The following TULP4 variants were observed in gnomAD, a reference collection of about 807,000 sequenced individuals.
TULP4 encodes the protein tubby-related protein 4.
TULP4 carries 16 observed loss-of-function variants against 129.0 expected under a neutral mutation model. The ratio of observed to expected loss-of-function variants is 0.12; its 90% CI spans 0.08 to 0.19. TULP4 has a LOEUF of 0.19. Among genes scored for constraint, TULP4 ranks in the 10% least tolerant of loss-of-function variants. The pLI, the probability that TULP4 is intolerant of heterozygous loss-of-function variation, is 1.00. For synonymous variants in TULP4, 998 were observed against 854.0 expected, an observed-to-expected ratio of 1.17 and a Z score of -2.94; for missense variants, 1,842 against 2,059.1, an observed-to-expected ratio of 0.89 and a Z score of 2.04.
intron 3 of TULP4, among the ~76,000 whole-genome samples, chr6:158,430,895 A>G (rs1020015643): frequency 1.3e-5 from 2 of 152,206 alleles, no homozygotes; most frequent in African/African-American, 4.8e-5. Context: ...ACCAAGCAGT[A>G]TAATATGGAA....
At chr6:158,479,474 G>A (rs183784603) in intron 6 of TULP4, among the ~76,000 whole-genome samples, 1 of 152,114 alleles carries the variant, frequency 6.6e-6, no homozygotes, top group East Asian at 1.9e-4. Flanking sequence ...GTATTGCCCA[G>A]GCTGGTCTTT....
At chr6:158,446,736 G>A (rs182267318) in intron 3 of TULP4, among the ~76,000 whole-genome samples, 12 of 152,248 alleles carry the variant, frequency 7.9e-5, no homozygotes, top group Non-Finnish European at 1.2e-4. Flanking sequence ...TCAGATCAAA[G>A]TGCCAGCCAA....
At chr6:158,277,519 C>T (rs894798542), upstream of TULP4, among the ~76,000 whole-genome samples, 2 of 152,062 alleles carry the variant, frequency 1.3e-5, no homozygotes, top group Non-Finnish European at 2.9e-5. Flanking sequence ...CAACATAGTC[C>T]GTGGGTTAAT....
At position 158,489,681 on chromosome 6, in the gene TULP4, C is replaced by T. The variant is rs566110555; in HGVS notation, c.1580C>T (p.Ala527Val). ...SDIELSDDWA[A>V]KKSPKISRAS... ...ATTGAGCTGAGTGATGACTGGGCTGCCAAGAAATCTCCCAAAATCTCCAGA... is the reference window on the plus strand; with the variant it reads ...ATTGAGCTGAGTGATGACTGGGCTGTCAAGAAATCTCCCAAAATCTCCAGA... The change falls in exon 9 of 14, where the codon GCC (alanine) becomes GTC (valine). Residue 527 changes from alanine to valine, a missense_variant. Ala to Val is a moderately conservative substitution (Grantham distance 64). This residue lies in a region of TULP4 where 456 missense variants were observed against 534.3 expected (regional missense o/e 0.85). Transcript: ENST00000367097. The T allele has an allele frequency of 6.2e-6, 10 of 1,614,056 alleles. 1 individual carries two copies. The highest frequency in any genetic ancestry group is 8.5e-6 in the Non-Finnish European group (10 of 1,180,038).
upstream of TULP4, among the ~76,000 whole-genome samples, chr6:158,277,698 AGG>A (rs981330861): frequency 6.6e-6 from 1 of 152,092 alleles, no homozygotes; most frequent in African/African-American, 2.4e-5. Context: ...GGTGGCCTGG[AGG>A]GTAACTTTTG....
intron 8 of TULP4, among the ~76,000 whole-genome samples, chr6:158,485,666 A>G (rs1780049716): frequency 6.6e-6 from 1 of 152,258 alleles, no homozygotes; most frequent in East Asian, 1.9e-4. Flanking sequence ...GGGCAGAGCC[A>G]TGGGGGCAGG....
intron 1 of TULP4, among the ~76,000 whole-genome samples, chr6:158,258,574 A>G (rs927407730): frequency 2.6e-5 from 4 of 152,244 alleles, no homozygotes; most frequent in African/African-American, 7.2e-5. Context: ...GCTGCAGTTT[A>G]TAAAAATGTT....
At chr6:158,254,029 ACT>A (rs1402509531) in intron 1 of TULP4, among the ~76,000 whole-genome samples, 1 of 151,390 alleles carries the variant, frequency 6.6e-6, no homozygotes, top group Non-Finnish European at 1.5e-5. Context: ...ATAGAGCAAG[ACT>A]CTGTCTCAAA....
intron 1 of TULP4, among the ~76,000 whole-genome samples, chr6:158,318,292 T>G (rs1280422930): frequency 1.3e-5 from 2 of 152,174 alleles, no homozygotes; most frequent in Non-Finnish European, 2.9e-5. Flanking sequence ...AGACCCTGCC[T>G]CTACTCTCCC....
chr6:158,456,381 C>A (rs1779291970), intron 5 of TULP4, among the ~76,000 whole-genome samples: 1 of 152,190 alleles, frequency 6.6e-6, no homozygotes. Flanking sequence ...TGTAAACTTT[C>A]TGAAAACATT....
intron 1 of TULP4, among the ~76,000 whole-genome samples, chr6:158,302,331 T>C (rs1469680523): frequency 6.6e-6 from 1 of 152,172 alleles, no homozygotes; most frequent in African/African-American, 2.4e-5. Context: ...ATGAAAGAAA[T>C]AGTCTTTAAG....
intron 1 of TULP4, among the ~76,000 whole-genome samples, chr6:158,399,246 T>C (rs1258114301): frequency 5.9e-5 from 9 of 152,210 alleles, no homozygotes; most frequent in African/African-American, 2.4e-5. Context: ...GCAGTTTTCA[T>C]CTCACTTGTT....
At chr6:158,242,364 A>G (rs1158400033) in intron 1 of TULP4, 2 of 1,512,506 alleles carry the variant, frequency 1.3e-6, no homozygotes, top group African/African-American at 1.4e-5. Flanking sequence ...AGCTGCAACA[A>G]CTGCTGAAGG....
intron 8 of TULP4, among the ~76,000 whole-genome samples, chr6:158,484,115 G>A (rs1237878904): frequency 6.6e-6 from 1 of 151,424 alleles, no homozygotes; most frequent in East Asian, 1.9e-4. Context: ...TTTTGTGGAG[G>A]TGGGGGCTCC....
At chr6:158,241,888 A>G in intron 1 of TULP4, 2 of 734,330 alleles carry the variant, frequency 2.7e-6, no homozygotes, top group Non-Finnish European at 5.1e-6. Context: ...CCACCGCGCC[A>G]GGCCAGCTTT....
At chr6:158,279,100 G>A (rs890294968), upstream of TULP4, among the ~76,000 whole-genome samples, 1 of 151,392 alleles carries the variant, frequency 6.6e-6, no homozygotes, top group African/African-American at 2.4e-5. Context: ...ACTATGCCCG[G>A]CTAATTTTTT....
intron 1 of TULP4, among the ~76,000 whole-genome samples, chr6:158,386,205 A>AT (rs1206088169): frequency 6.6e-6 from 1 of 151,928 alleles, no homozygotes; most frequent in African/African-American, 2.4e-5. Context: ...CTCACCCTAA[A>AT]TTTTTTTTAT....
chr6:158,232,753 C>T (rs1777621570), intron 1 of TULP4, among the ~76,000 whole-genome samples: 4 of 152,132 alleles, frequency 2.6e-5, no homozygotes, highest in South Asian at 4.1e-4. Flanking sequence ...TCCCCGGCGT[C>T]GGGCCCGAGC....
At chr6:158,465,107 G>C (rs552767186) in intron 6 of TULP4, among the ~76,000 whole-genome samples, 4 of 152,304 alleles carry the variant, frequency 2.6e-5, no homozygotes, top group South Asian at 2.1e-4. Flanking sequence ...AAACCCCAAA[G>C]GGATGGGGGC....
Sources: gnomAD v4.1 joint callset for allele counts (sites outside exome capture counted in the v4.1 genomes callset) on GRCh38, gnomAD v4.1.1 for gene constraint, gnomAD v4.1.1 regional missense constraint, MANE v1.5 for transcripts, NCBI Gene and HGNC (gene_info 2026-07-23, HGNC 2026-07-21) for gene names.